The following SCAF8 variants were observed in gnomAD, a reference collection of about 807,000 sequenced individuals.
SCAF8 encodes SR-related CTD associated factor 8, also known as SR-related and CTD-associated factor 8.
A neutral mutation model predicts 140.5 loss-of-function variants in SCAF8; 23 were observed. The observed-to-expected ratio is 0.16, with a 90% CI of 0.12 to 0.23. The LOEUF (loss-of-function observed/expected upper bound fraction) is 0.23, where lower values mean the gene tolerates loss of function less well. SCAF8 is among the 10% of genes least tolerant of loss of function. The probability of loss-of-function intolerance (pLI) is 1.00; values close to 1 mark genes in which losing one functional copy is unlikely to be tolerated. For missense variants in SCAF8, 1,397 were observed against 1,555.7 expected, an observed-to-expected ratio of 0.90 and a Z score of 1.72; for synonymous variants, 575 against 528.9, an observed-to-expected ratio of 1.09 and a Z score of -1.20.
At chr6:154,787,003 G>A (rs769897226) in intron 3 of SCAF8, among the ~76,000 whole-genome samples, 6 of 152,240 alleles carry the variant, frequency 3.9e-5, no homozygotes, top group Non-Finnish European at 5.9e-5. Context: ...AAGCTTGCAA[G>A]TAAAAGGATT....
chr6:154,775,796 T>A (rs1776900307), intron 2 of SCAF8, among the ~76,000 whole-genome samples: 1 of 151,772 alleles, frequency 6.6e-6, no homozygotes, highest in South Asian at 2.1e-4. Context: ...TTTATTATTA[T>A]TATATATTTT....
intron 8 of SCAF8, among the ~76,000 whole-genome samples, chr6:154,804,383 C>T (rs17085676): frequency 6.6e-6 from 1 of 152,186 alleles, no homozygotes; most frequent in South Asian, 2.1e-4. Context: ...TGCAAACTTG[C>T]AAGCAGCATT....
chr6:154,742,029 G>C, intron 1 of SCAF8: 1 of 1,524,920 alleles, frequency 6.6e-7, no homozygotes, highest in Non-Finnish European at 8.8e-7. Flanking sequence ...GTAAGATGAT[G>C]ATAACCCACA....
At chr6:154,796,839 G>A (rs1777622538) in intron 6 of SCAF8, among the ~76,000 whole-genome samples, 1 of 152,096 alleles carries the variant, frequency 6.6e-6, no homozygotes. Context: ...AGGCAGCTTG[G>A]CACATGCCTG....
At chr6:154,741,354 C>T (rs921796631) in intron 1 of SCAF8, among the ~76,000 whole-genome samples, 4 of 151,942 alleles carry the variant, frequency 2.6e-5, no homozygotes, top group Non-Finnish European at 4.4e-5. Context: ...TTGTGATTAA[C>T]ATTTAGGGGA....
chr6:154,752,420 AT>A (rs764357116), intron 1 of SCAF8, among the ~76,000 whole-genome samples: 9 of 152,234 alleles, frequency 5.9e-5, no homozygotes, highest in Non-Finnish European at 8.8e-5. Flanking sequence ...ATTTAAAAAA[AT>A]CTAATGATTT....
At chr6:154,757,153 C>T (rs900227452) in intron 1 of SCAF8, among the ~76,000 whole-genome samples, 24 of 152,276 alleles carry the variant, frequency 1.6e-4, no homozygotes, top group African/African-American at 5.3e-4. Flanking sequence ...CACGCCACTA[C>T]GCCCAGCTAA....
intron 18 of SCAF8, among the ~76,000 whole-genome samples, chr6:154,827,488 T>G (rs753187409): frequency 6.6e-6 from 1 of 152,182 alleles, no homozygotes; most frequent in African/African-American, 2.4e-5. Context: ...ATTTGTGTGT[T>G]TTTTGTTTTG....
At chr6:154,778,136 T>A in intron 3 of SCAF8, 91 bp downstream of exon 3, 1 of 684,002 alleles carries the variant, frequency 1.5e-6, no homozygotes. Flanking sequence ...TTTAAATTGT[T>A]TTGATGGACT....
chr6:154,820,259 G>T lies in SCAF8; in HGVS notation c.1718G>T (p.Trp573Leu). 1 of 1,612,148 alleles carries T rather than the reference G, an allele frequency of 6.2e-7. No homozygotes were observed. Among genetic ancestry groups the T allele is most frequent in the Non-Finnish European group, 8.5e-7 (1 of 1,179,304 alleles). ...DVDLGVTYIP[W>L]EKVKVDDLEG... is the part of the protein sequence containing the mutation. ...GATCTTGGAGTTACATATATACCATGGGAAAAAGTTAAAGTGGATGACTTG... is the reference window on the plus strand; with the variant it reads ...GATCTTGGAGTTACATATATACCATTGGAAAAAGTTAAAGTGGATGACTTG... The change falls in exon 15 of 20, where the codon TGG (tryptophan) becomes TTG (leucine). Residue 573 changes from tryptophan (W) to leucine (L), a missense_variant. By Grantham distance (61) the Trp-to-Leu change is moderately conservative. Around this residue, in one of 5 missense-constraint regions of SCAF8, gnomAD observed 930 missense variants for 874.6 expected, o/e 1.06. Transcript: ENST00000367178.
intron 3 of SCAF8, among the ~76,000 whole-genome samples, chr6:154,782,198 G>A (rs1423743727): frequency 6.6e-6 from 1 of 152,136 alleles, no homozygotes; most frequent in African/African-American, 2.4e-5. Context: ...CTGGGCTCAG[G>A]CATTTGAGAC....
intron 6 of SCAF8, among the ~76,000 whole-genome samples, chr6:154,797,246 ATGCT>A (rs1377593000): frequency 6.6e-6 from 1 of 151,148 alleles, no homozygotes; most frequent in Non-Finnish European, 1.5e-5. Context: ...ATTGAAGTTT[ATGCT>A]TGCTTTTTAT....
chr6:154,771,847 A>G (rs1776777146), intron 1 of SCAF8, among the ~76,000 whole-genome samples: 1 of 152,198 alleles, frequency 6.6e-6, no homozygotes. Flanking sequence ...CCCAGTGACA[A>G]ACCTGCACAT....
intron 1 of SCAF8, among the ~76,000 whole-genome samples, chr6:154,740,625 C>CTTTTTTT (rs66980794): frequency 6.5e-5 from 9 of 138,526 alleles, no homozygotes; most frequent in South Asian, 2.3e-4. Context: ...TTTTCTTTTT[C>CTTTTTTT]TTTTTTTTTT....
At chr6:154,734,208 G>T (rs1271512980) in intron 1 of SCAF8, among the ~76,000 whole-genome samples, 1 of 152,160 alleles carries the variant, frequency 6.6e-6, no homozygotes, top group Non-Finnish European at 1.5e-5. Context: ...AGACCCGGTT[G>T]GGCCCTCACC....
chr6:154,734,233 A>C (rs879337293), intron 1 of SCAF8, among the ~76,000 whole-genome samples: 3 of 152,210 alleles, frequency 2.0e-5, no homozygotes, highest in Non-Finnish European at 2.9e-5. Context: ...GACTCCCGAC[A>C]GGTCCCTCGA....
At chr6:154,789,344 CTT>C (rs1232962201) in intron 4 of SCAF8, among the ~76,000 whole-genome samples, 1 of 151,802 alleles carries the variant, frequency 6.6e-6, no homozygotes, top group Non-Finnish European at 1.5e-5. Context: ...AATTCCTGAC[CTT>C]GTGATCCGCC....
intron 1 of SCAF8, among the ~76,000 whole-genome samples, chr6:154,767,614 A>C (rs1186844560): frequency 1.4e-5 from 2 of 141,408 alleles, no homozygotes; most frequent in African/African-American, 5.3e-5. Flanking sequence ...GTCATAGCTC[A>C]CAGCAACCTG....
At chr6:154,811,283 C>T (rs933795498) in intron 12 of SCAF8, among the ~76,000 whole-genome samples, 3 of 152,080 alleles carry the variant, frequency 2.0e-5, no homozygotes, top group East Asian at 3.9e-4. Context: ...ACCATTAAGA[C>T]GTTCAGAATT....
Sources: gnomAD v4.1 joint callset for allele counts (sites outside exome capture counted in the v4.1 genomes callset) on GRCh38, gnomAD v4.1.1 for gene constraint, gnomAD v4.1.1 regional missense constraint, MANE v1.5 for transcripts, NCBI Gene and HGNC (gene_info 2026-07-23, HGNC 2026-07-21) for gene names.